Variants in UBE2K observed in about 807,000 individuals in gnomAD.
The protein encoded by UBE2K is ubiquitin-conjugating enzyme E2 K.
A neutral mutation model predicts 30.0 loss-of-function variants in UBE2K; 6 were observed. The observed-to-expected ratio is 0.20, with a 90% CI of 0.11 to 0.39. The LOEUF (loss-of-function observed/expected upper bound fraction) is 0.39, where lower values mean the gene tolerates loss of function less well. Ranked by LOEUF, UBE2K falls within the 10% of genes least tolerant of loss-of-function variation. The probability of loss-of-function intolerance (pLI) is 1.00; values close to 1 mark genes in which losing one functional copy is unlikely to be tolerated. For missense variants in UBE2K, 61 were observed against 241.6 expected, an observed-to-expected ratio of 0.25 and a Z score of 4.96; for synonymous variants, 86 against 83.7, an observed-to-expected ratio of 1.03 and a Z score of -0.15.
At position 39,779,730 on chromosome 4, in the gene UBE2K, C is replaced by T. The variant is rs1457690409; in HGVS notation, c.*1296C>T. 3 of 152,220 alleles carry T rather than the reference C, an allele frequency of 2.0e-5. No individual in the cohort carries two copies. The highest frequency in any genetic ancestry group is 7.2e-5 in the African/African-American group (3 of 41,406). 9.4% of individuals were successfully genotyped at this position (152,220 alleles called of 1,614,324 possible). ...GAAGGTTGAAGTGGATTTATGCAGG[C>T]AGTTCTATATATAGAAATACAATTC... is the stretch of plus-strand genomic sequence containing the variant. On this transcript the variant is annotated 3_prime_UTR_variant, in exon 7 of 7. Transcript: ENST00000261427.
intron 3 of UBE2K, among the ~76,000 whole-genome samples, chr4:39,754,036 AAG>A (rs201823769): frequency 7.2e-5 from 11 of 152,298 alleles, no homozygotes; most frequent in Admixed American, 2.0e-4. Flanking sequence ...CTCAAAAAAA[AAG>A]AGAGAGAGAG....
intron 1 of UBE2K, chr4:39,714,546 A>ATTT (rs879776892): frequency 0.033 from 829 of 25,108 alleles, 89 homozygotes; most frequent in African/African-American, 0.097. Context: ...ATATATATAT[A>ATTT]TATATTTTTT....
intron 1 of UBE2K, among the ~76,000 whole-genome samples, chr4:39,721,311 A>G (rs952779653): frequency 6.6e-6 from 1 of 152,160 alleles, no homozygotes; most frequent in Non-Finnish European, 1.5e-5. Flanking sequence ...TAGGTAGCTT[A>G]GGCAAGAAAT....
chr4:39,698,412 A>G (rs949074892), intron 1 of UBE2K, 22 bp downstream of exon 1: 3 of 1,603,226 alleles, frequency 1.9e-6, no homozygotes, highest in South Asian at 1.1e-5. Flanking sequence ...ACTCCCGGAT[A>G]TCCCCCACCT....
At chr4:39,727,368 G>C (rs908706941) in intron 1 of UBE2K, among the ~76,000 whole-genome samples, 1 of 151,970 alleles carries the variant, frequency 6.6e-6, no homozygotes, top group East Asian at 1.9e-4. Flanking sequence ...GTTTCTTATG[G>C]GGGGAGCGCT....
At chr4:39,727,626 C>T (rs928118453) in intron 1 of UBE2K, among the ~76,000 whole-genome samples, 1 of 151,390 alleles carries the variant, frequency 6.6e-6, no homozygotes, top group Non-Finnish European at 1.5e-5. Flanking sequence ...TCTTGAACTC[C>T]TGGGTTCAAA....
intron 3 of UBE2K, 95 bp downstream of exon 3, chr4:39,745,905 C>T (rs1720963003): frequency 1.1e-6 from 1 of 928,740 alleles, no homozygotes; most frequent in Non-Finnish European, 1.6e-6. Context: ...ATTAAAGTCA[C>T]AGCTTTATGA....
intron 1 of UBE2K, among the ~76,000 whole-genome samples, chr4:39,730,358 T>C (rs1305115123): frequency 2.6e-5 from 4 of 152,122 alleles, no homozygotes; most frequent in African/African-American, 9.7e-5. Flanking sequence ...TTGTTTTTTT[T>C]CCACGCTGTA....
chr4:39,766,637 T>C (rs1363138565), intron 4 of UBE2K, among the ~76,000 whole-genome samples: 1 of 152,196 alleles, frequency 6.6e-6, no homozygotes, highest in Non-Finnish European at 1.5e-5. Context: ...CATCGAACTC[T>C]TGGGCTCAGG....
chr4:39,734,880 A>T (rs1347749015), intron 1 of UBE2K, among the ~76,000 whole-genome samples: 5 of 152,190 alleles, frequency 3.3e-5, no homozygotes, highest in Non-Finnish European at 5.9e-5. Context: ...AGGAATAATT[A>T]TTTAGCATTT....
Position 39,782,262 on chromosome 4 carries a change from GT to G in UBE2K, c.*3830del. On this transcript the variant is annotated 3_prime_UTR_variant, in exon 7 of 7. Transcript: ENST00000261427. ...TGGATAGAAATCATTACACTGTGCTGTTAACGATCCTTGTCTGCTTGCTGTT... is the reference window on the plus strand; with the variant it reads ...TGGATAGAAATCATTACACTGTGCTGTAACGATCCTTGTCTGCTTGCTGTT... 1 of 316,392 alleles carries G rather than the reference GT, an allele frequency of 3.2e-6. No individual in the cohort carries two copies. Among genetic ancestry groups the G allele is most frequent in the Non-Finnish European group, 5.7e-6 (1 of 174,300 alleles). 19.6% of individuals were successfully genotyped at this position (316,392 alleles called of 1,614,324 possible).
At chr4:39,712,195 C>CTTTTTTTTTTTT (rs34711359) in intron 1 of UBE2K, among the ~76,000 whole-genome samples, 1 of 58,308 alleles carries the variant, frequency 1.7e-5, no homozygotes, top group African/African-American at 7.7e-5. Context: ...CACCGACAAC[C>CTTTTTTTTTTTT]TTTTTTTTTT....
chr4:39,771,600 C>T (rs1284786088), intron 4 of UBE2K, among the ~76,000 whole-genome samples: 2 of 152,122 alleles, frequency 1.3e-5, no homozygotes, highest in Non-Finnish European at 2.9e-5. Flanking sequence ...CTCGCGCTGG[C>T]GGGGCCGGCT....
chr4:39,702,231 CTTTTTTTTTTTTTTTTTTTTTT>C (rs564712672), intron 1 of UBE2K, among the ~76,000 whole-genome samples: 17 of 67,374 alleles, frequency 2.5e-4, no homozygotes, highest in South Asian at 9.4e-4. Context: ...CTTTTCTTTT[CTTTTTTTTTTTTTTTTTTTTTT>C]TTTTTTTTTT....
At chr4:39,698,511 G>A in intron 1 of UBE2K, 121 bp downstream of exon 1, 1 of 874,656 alleles carries the variant, frequency 1.1e-6, no homozygotes, top group Non-Finnish European at 1.9e-6. Flanking sequence ...CCTTCTGCCT[G>A]TGAGGAAGCA....
chr4:39,745,878 T>C, intron 3 of UBE2K, 68 bp downstream of exon 3: 1 of 1,216,624 alleles, frequency 8.2e-7, no homozygotes, highest in South Asian at 1.5e-5. Context: ...ATTTTATTAA[T>C]ATATATTTTA....
rs751841650 is a variant in UBE2K at position 39,737,449 on chromosome 4, T to C, written c.93T>C (p.Leu31=). 1 of 1,572,746 alleles carries C rather than the reference T, an allele frequency of 6.4e-7. No homozygotes were observed. The highest frequency in any genetic ancestry group is 8.6e-7 in the Non-Finnish European group (1 of 1,166,830). Residue 31 remains leucine (L), a synonymous_variant, in exon 2 of 7, where the codon CTT becomes CTC. Coordinates refer to ENST00000261427, the MANE Select transcript of UBE2K (RefSeq NM_005339.5). ...GCAAAAATCAAATTAAAGTAGATCTTGTAGATGAGAATTTTACAGAATTAA... is the reference window on the plus strand; with the variant it reads ...GCAAAAATCAAATTAAAGTAGATCTCGTAGATGAGAATTTTACAGAATTAA... The part of the protein sequence containing the change: ...ETSKNQIKVD[L]VDENFTELRG...
chr4:39,741,780 G>C (rs1183870044), intron 2 of UBE2K, among the ~76,000 whole-genome samples: 1 of 152,082 alleles, frequency 6.6e-6, no homozygotes, highest in Non-Finnish European at 1.5e-5. Flanking sequence ...TAGGTTTATG[G>C]AATCATTGTT....
rs1553876221 is a variant in UBE2K at position 39,728,833 on chromosome 4, T to TTTG, written c.64-8585_64-8584insGTT. 2.8e-4 allele frequency among the ~76,000 whole-genome samples: 42 copies of TTTG among 150,398 alleles called. 1 individual carries two copies. Among genetic ancestry groups the TTTG allele is most frequent in the Admixed American group, 1.9e-3 (28 of 15,122 alleles). ...GGTTTTTTTTGTTTTTTTTGTTTTT[T>TTTG]TTTTTTTGTATTTTTAGTAGAGACG... On this transcript the variant is annotated intron_variant, in intron 1 of 6. Coordinates refer to ENST00000261427, the MANE Select transcript of UBE2K (RefSeq NM_005339.5).
Sources: gnomAD v4.1 joint callset for allele counts (sites outside exome capture counted in the v4.1 genomes callset) on GRCh38, gnomAD v4.1.1 for gene constraint, MANE v1.5 for transcripts, NCBI Gene and HGNC (gene_info 2026-07-23, HGNC 2026-07-21) for gene names.